WDR93: variants seen among roughly 807,000 people sequenced by gnomAD.
WDR93 encodes WD repeat domain 93, also known as WD repeat-containing protein 93.
WDR93 carries 73 observed loss-of-function variants against 82.9 expected under a neutral mutation model. The observed-to-expected ratio is 0.88, with a 90% confidence interval of 0.73 to 1.07. The LOEUF (loss-of-function observed/expected upper bound fraction) is 1.07, where lower values mean the gene tolerates loss of function less well. WDR93 is among the 50% of genes least tolerant of loss of function. The pLI is 0.00. For missense variants in WDR93, 738 were observed against 826.0 expected (o/e 0.89, Z 1.31); for synonymous variants, 283 against 300.1 (o/e 0.94, Z 0.59).
intron 4 of WDR93, among the ~76,000 whole-genome samples, chr15:89,710,716 C>T (rs1427499590): frequency 6.6e-6 from 1 of 152,002 alleles, no homozygotes; most frequent in Non-Finnish European, 1.5e-5. Flanking sequence ...TGGATTAAAA[C>T]ACATAAAAAT....
chr15:89,716,052 A>G lies in WDR93; in HGVS notation c.757-859A>G, dbSNP rs191027425. Among the ~76,000 whole-genome samples the G allele has an allele frequency of 9.5e-4, 145 of 152,342 alleles. 1 individual carries two copies. Among genetic ancestry groups the G allele is most frequent in the African/African-American group, 3.2e-3 (135 of 41,572 alleles). On this transcript the variant is annotated intron_variant, in intron 6 of 16. Coordinates refer to ENST00000268130, the MANE Select transcript of WDR93 (RefSeq NM_020212.2). ...GTATTAGGTGCTAAATAAATTAGTG[A>G]AATTATTAATATAGGAGACCAAGAT...
chr15:89,730,322 CAAAAAAAA>C (rs370652070), intron 11 of WDR93, among the ~76,000 whole-genome samples: 2 of 123,482 alleles, frequency 1.6e-5, no homozygotes, highest in African/African-American at 3.1e-5. Context: ...AAGACTATCT[CAAAAAAAA>C]AAAAAAAAAA....
chr15:89,699,988 AT>A (rs908054510), intron 1 of WDR93, among the ~76,000 whole-genome samples: 1 of 152,066 alleles, frequency 6.6e-6, no homozygotes, highest in Non-Finnish European at 1.5e-5. Context: ...TCTTTATTGG[AT>A]CCTAGACATT....
At chr15:89,740,578 T>G (rs1967587965) in intron 16 of WDR93, among the ~76,000 whole-genome samples, 1 of 152,148 alleles carries the variant, frequency 6.6e-6, no homozygotes, top group South Asian at 2.1e-4. Context: ...CTCGGCTCAC[T>G]GCAACCTCTG....
At chr15:89,699,182 C>T (rs1413727238) in intron 1 of WDR93, among the ~76,000 whole-genome samples, 4 of 151,988 alleles carry the variant, frequency 2.6e-5, no homozygotes, top group Non-Finnish European at 4.4e-5. Context: ...CTTTCTTTTA[C>T]GTTATTTATT....
chr15:89,737,539 T>C, intron 14 of WDR93, 34 bp from the exon 15 acceptor site: 1 of 1,613,600 alleles, frequency 6.2e-7, no homozygotes, highest in Non-Finnish European at 8.5e-7. Context: ...CAGAGTCCAG[T>C]AGAAGCCCCC....
chr15:89,731,408 T>TGG (rs5814401), intron 11 of WDR93, 35 bp from the exon 12 acceptor site: 16 of 1,612,034 alleles, frequency 9.9e-6, no homozygotes, highest in Admixed American at 1.7e-5. Flanking sequence ...GTGCAGAGTC[T>TGG]GGGGGAACCG....
chr15:89,717,175 T>G (rs911092330), intron 7 of WDR93, among the ~76,000 whole-genome samples: 3 of 149,472 alleles, frequency 2.0e-5, no homozygotes, highest in East Asian at 4.1e-4. Context: ...TTCTCCTGCC[T>G]CAGCCTCCTG....
chr15:89,717,041 C>CTTTCTTTTTTTTTTTTTTTTTTTTTTTT (rs1966288378), intron 7 of WDR93, 92 bp downstream of exon 7: 1 of 334,806 alleles, frequency 3.0e-6, no homozygotes, highest in Non-Finnish European at 4.7e-6. Flanking sequence ...TTTTCTTTTT[C>CTTTCTTTTTTTTTTTTTTTTTTTTTTTT]TTTCTTTTTT....
intron 6 of WDR93, 92 bp from the exon 7 acceptor site, chr15:89,716,819 T>G: frequency 1.1e-6 from 1 of 890,938 alleles, no homozygotes; most frequent in Non-Finnish European, 1.8e-6. Context: ...ACAAGAGTAA[T>G]TGAGGGGAAG....
chr15:89,697,243 G>A (rs935001326), intron 1 of WDR93, among the ~76,000 whole-genome samples: 1 of 152,152 alleles, frequency 6.6e-6, no homozygotes, highest in African/African-American at 2.4e-5. Flanking sequence ...ACAGGCATGA[G>A]CTGCCACACC....
intron 1 of WDR93, among the ~76,000 whole-genome samples, chr15:89,694,044 T>A (rs1413809863): frequency 6.6e-6 from 1 of 152,190 alleles, no homozygotes; most frequent in Non-Finnish European, 1.5e-5. Context: ...ATTGTACATC[T>A]TCAACAACAC....
rs1966180958 is a variant in WDR93, at chr15:89,715,017, C to T, written c.678C>T (p.Pro226=). Residue 226 remains proline (P), a synonymous_variant, in exon 6 of 17, where the codon CCC becomes CCT. Coordinates refer to ENST00000268130, the MANE Select transcript of WDR93 (RefSeq NM_020212.2). ...GDIWLDVYKL[P]KETWLKKLEH... is the part of the protein sequence containing the mutation. ...TTTGGCTGGATGTGTATAAATTGCCCAAGGAGACTTGGCTCAAGAAACTAG... is the reference window on the plus strand; with the variant it reads ...TTTGGCTGGATGTGTATAAATTGCCTAAGGAGACTTGGCTCAAGAAACTAG... The T allele has an allele frequency of 1.2e-6, 2 of 1,613,896 alleles. No individual in the cohort carries two copies. The highest frequency in any genetic ancestry group is 1.7e-5 in the Admixed American group (1 of 59,990).
At chr15:89,732,706 C>T (rs1292855532) in intron 12 of WDR93, among the ~76,000 whole-genome samples, 2 of 152,080 alleles carry the variant, frequency 1.3e-5, no homozygotes, top group South Asian at 2.1e-4. Context: ...TGGTCAGCTG[C>T]GCCTCAGTCC....
chr15:89,690,771 G>A (rs1964827453), upstream of WDR93: 4 of 584,260 alleles, frequency 6.8e-6, no homozygotes, highest in Non-Finnish European at 1.2e-5. Context: ...AGAGGGGGCG[G>A]GCACACTTTC....
chr15:89,733,616 C>T (rs1170965134), intron 13 of WDR93, among the ~76,000 whole-genome samples: 1 of 151,964 alleles, frequency 6.6e-6, no homozygotes, highest in Non-Finnish European at 1.5e-5. Flanking sequence ...GAAATAGTGG[C>T]TTTATAAGAA....
At chr15:89,705,330 C>A (rs1965678558) in intron 3 of WDR93, 1 of 544,948 alleles carries the variant, frequency 1.8e-6, no homozygotes, top group South Asian at 2.1e-5. Flanking sequence ...CCGGTGGAGC[C>A]AGGGTAGGTG....
intron 13 of WDR93, among the ~76,000 whole-genome samples, chr15:89,735,124 G>T (rs1967055923): frequency 6.6e-6 from 1 of 151,986 alleles, no homozygotes; most frequent in Non-Finnish European, 1.5e-5. Context: ...TCAAAGTGCT[G>T]GGCCCCCAAA....
At chr15:89,732,008 T>C (rs1483415637) in intron 12 of WDR93, among the ~76,000 whole-genome samples, 2 of 152,208 alleles carry the variant, frequency 1.3e-5, no homozygotes, top group Admixed American at 6.5e-5. Flanking sequence ...AAGAGACCTA[T>C]AAAGCAGTCA....
Sources: allele counts gnomAD v4.1 joint callset (sites outside exome capture counted in the v4.1 genomes callset), GRCh38; gene constraint gnomAD v4.1.1; transcripts MANE v1.5; gene names NCBI Gene and HGNC (gene_info 2026-07-23, HGNC 2026-07-21).